Variants in SMYD3 observed in about 807,000 individuals in gnomAD.
The protein encoded by SMYD3 is SET and MYND domain containing 3, also known as histone-lysine N-methyltransferase SMYD3.
A neutral mutation model predicts 57.7 loss-of-function variants in SMYD3; 36 were observed. The observed-to-expected ratio is 0.62, with a 90% CI of 0.48 to 0.82. The LOEUF (loss-of-function observed/expected upper bound fraction) is 0.82. Ranked by LOEUF, SMYD3 falls within the 40% of genes least tolerant of loss-of-function variation. The probability of loss-of-function intolerance (pLI) is 0.00; values close to 1 mark genes in which losing one functional copy is unlikely to be tolerated. For missense variants in SMYD3, 515 were observed against 538.8 expected, an observed-to-expected ratio of 0.96 and a Z score of 0.44; for synonymous variants, 211 against 195.0, an observed-to-expected ratio of 1.08 and a Z score of -0.68.
intron 5 of SMYD3, among the ~76,000 whole-genome samples, chr1:246,083,449 G>A (rs1196781139): frequency 2.0e-5 from 3 of 151,652 alleles, no homozygotes; most frequent in Admixed American, 6.6e-5. Context: ...GCCACATCCC[G>A]CTCTCCCAGA....
chr1:246,036,710 A>C (rs10924459), intron 5 of SMYD3, among the ~76,000 whole-genome samples: 63,932 of 142,910 alleles, frequency 0.45, 16,424 homozygotes, highest in East Asian at 0.95. Flanking sequence ...CCTGCCACTA[A>C]GCCCGGCTAA....
At chr1:245,839,583 G>T (rs2050294499) in intron 10 of SMYD3, among the ~76,000 whole-genome samples, 1 of 152,142 alleles carries the variant, frequency 6.6e-6, no homozygotes, top group Non-Finnish European at 1.5e-5. Flanking sequence ...TAGTTTTCTG[G>T]GGGAGGGTAA....
intron 1 of SMYD3, among the ~76,000 whole-genome samples, chr1:246,440,108 T>C (rs888144319): frequency 1.3e-5 from 2 of 152,178 alleles, no homozygotes; most frequent in Admixed American, 6.6e-5. Flanking sequence ...ATTGATGATG[T>C]TGAGTGAGGA....
chr1:246,363,133 C>T (rs1320938537), intron 1 of SMYD3, among the ~76,000 whole-genome samples: 1 of 148,386 alleles, frequency 6.7e-6, no homozygotes, highest in African/African-American at 2.5e-5. Flanking sequence ...AAGTGAGGAG[C>T]CCCTCCGCCC....
intron 2 of SMYD3, among the ~76,000 whole-genome samples, chr1:246,344,847 G>A (rs1405896714): frequency 6.6e-6 from 1 of 152,104 alleles, no homozygotes; most frequent in Non-Finnish European, 1.5e-5. Flanking sequence ...ATCTTTTAAT[G>A]TATATCTTCT....
chr1:246,479,419 AT>A (rs1011798983), intron 1 of SMYD3, among the ~76,000 whole-genome samples: 28 of 151,846 alleles, frequency 1.8e-4, no homozygotes, highest in African/African-American at 6.8e-4. Flanking sequence ...TTGAGATTAC[AT>A]CTTGCCACTG....
intron 5 of SMYD3, among the ~76,000 whole-genome samples, chr1:246,094,945 G>A (rs2060887277): frequency 6.6e-6 from 1 of 152,032 alleles, no homozygotes; most frequent in Non-Finnish European, 1.5e-5. Context: ...GGCCCTGAGT[G>A]TTTACGGCAA....
At chr1:245,812,129 C>A (rs569255571) in intron 10 of SMYD3, among the ~76,000 whole-genome samples, 1 of 152,312 alleles carries the variant, frequency 6.6e-6, no homozygotes, top group South Asian at 2.1e-4. Context: ...CAGGCCACAT[C>A]AGCCAGTCAC....
chr1:246,265,522 C>T (rs1289007199), intron 5 of SMYD3, among the ~76,000 whole-genome samples: 1 of 152,206 alleles, frequency 6.6e-6, no homozygotes, highest in Admixed American at 6.5e-5. Context: ...GAGAAAGAGA[C>T]AAGAGGCTGA....
chr1:246,414,306 A>C (rs1037631917), intron 1 of SMYD3, among the ~76,000 whole-genome samples: 6 of 152,196 alleles, frequency 3.9e-5, no homozygotes, highest in African/African-American at 1.4e-4. Context: ...GTCATTTTTA[A>C]ATGTTAAAGA....
chr1:246,216,061 G>A (rs992183365), intron 5 of SMYD3, among the ~76,000 whole-genome samples: 2 of 152,006 alleles, frequency 1.3e-5, no homozygotes, highest in African/African-American at 2.4e-5. Flanking sequence ...AGGCCAACAG[G>A]GGCAGGTCAT....
intron 5 of SMYD3, among the ~76,000 whole-genome samples, chr1:246,044,257 T>G (rs1287161091): frequency 6.6e-6 from 1 of 152,210 alleles, no homozygotes; most frequent in East Asian, 1.9e-4. Flanking sequence ...CAAATTATAA[T>G]GATTCCTGGT....
At chr1:246,242,397 G>T (rs554104052) in intron 5 of SMYD3, among the ~76,000 whole-genome samples, 36 of 152,198 alleles carry the variant, frequency 2.4e-4, no homozygotes, top group Non-Finnish European at 4.3e-4. Flanking sequence ...GTAGTTGAGC[G>T]GTTTTGAGTG....
At chr1:246,063,348 C>T (rs2060285910) in intron 5 of SMYD3, among the ~76,000 whole-genome samples, 2 of 152,144 alleles carry the variant, frequency 1.3e-5, no homozygotes, top group South Asian at 4.2e-4. Flanking sequence ...AGTTCAATCG[C>T]CTGTAGGCAG....
Position 245,750,613 on chromosome 1 carries a change from CCATT to C in SMYD3, c.1186-953_1186-950del, listed in dbSNP as rs563496030. ...TGCAATAATTTTGCCGTTGTTTACT[CCATT>C]CAGTTTTGGGATGGTTATGGAACAA... On this transcript the variant is annotated intron_variant, in intron 11 of 11. Transcript: ENST00000490107. Among the ~76,000 whole-genome samples, 56 of 151,902 alleles carry C rather than the reference CCATT, an allele frequency of 3.7e-4. 1 individual carries two copies. Among genetic ancestry groups the C allele is most frequent in the Admixed American group, 1.7e-3 (26 of 15,228 alleles).
At chr1:246,384,340 G>GAC (rs2066434627) in intron 1 of SMYD3, among the ~76,000 whole-genome samples, 1 of 151,964 alleles carries the variant, frequency 6.6e-6, no homozygotes, top group Middle Eastern at 3.4e-3. Flanking sequence ...AACAGAGATG[G>GAC]ACACACACAC....
chr1:245,929,819 G>T, intron 6 of SMYD3, 51 bp downstream of exon 6: 1 of 1,432,916 alleles, frequency 7.0e-7, no homozygotes, highest in Non-Finnish European at 9.8e-7. Flanking sequence ...CTGGGGATTT[G>T]GGTGGGAATG....
chr1:246,245,376 G>A (rs554519763), intron 5 of SMYD3, among the ~76,000 whole-genome samples: 21 of 152,182 alleles, frequency 1.4e-4, no homozygotes, highest in Non-Finnish European at 2.9e-5. Context: ...CTGGGAAGCA[G>A]AGGCTGCAGT....
At chr1:246,191,381 T>G (rs986412234) in intron 5 of SMYD3, among the ~76,000 whole-genome samples, 4 of 152,204 alleles carry the variant, frequency 2.6e-5, no homozygotes, top group Admixed American at 1.3e-4. Context: ...TCAACGTTTT[T>G]CCTCATGATT....
Sources: allele counts gnomAD v4.1 joint callset (sites outside exome capture counted in the v4.1 genomes callset), GRCh38; gene constraint gnomAD v4.1.1; transcripts MANE v1.5; gene names NCBI Gene and HGNC (gene_info 2026-07-23, HGNC 2026-07-21).